The following SOCS6 variants were observed in gnomAD, a reference collection of about 807,000 sequenced individuals.
SOCS6 encodes the protein STAT induced STAT inhibitor-4.
In SOCS6, 5 loss-of-function variants were observed where a neutral mutation model predicts 27.7. The observed-to-expected ratio is 0.18, with a 90% confidence interval of 0.09 to 0.38. The LOEUF (loss-of-function observed/expected upper bound fraction) is 0.38. Among genes scored for constraint, SOCS6 ranks in the 10% least tolerant of loss-of-function variants. The pLI is 1.00. For synonymous variants in SOCS6, 271 were observed against 260.0 expected, an observed-to-expected ratio of 1.04 and a Z score of -0.41; for missense variants, 595 against 688.1, an observed-to-expected ratio of 0.86 and a Z score of 1.51.
chr18:70,310,071 T>A (rs2062384383), intron 1 of SOCS6, among the ~76,000 whole-genome samples: 1 of 152,240 alleles, frequency 6.6e-6, no homozygotes, highest in African/African-American at 2.4e-5. Context: ...AACAGTCTCA[T>A]GCCCTTTGAA....
intron 1 of SOCS6, among the ~76,000 whole-genome samples, chr18:70,301,863 C>T (rs2062349698): frequency 6.6e-6 from 1 of 152,142 alleles, no homozygotes; most frequent in Non-Finnish European, 1.5e-5. Flanking sequence ...AAGGAGTGGT[C>T]AGTGGTCACA....
In SOCS6 at chr18:70,324,626, C is replaced by T. The variant is rs780401339; in HGVS notation, c.-43C>T. 3 of 1,313,836 alleles carry T rather than the reference C, an allele frequency of 2.3e-6. No individual in the cohort carries two copies. The East Asian group carries it at 6.9e-5, about 30-fold the overall frequency. 81.4% of individuals were successfully genotyped at this position (1,313,836 alleles called of 1,614,324 possible). A position where few individuals can be genotyped will look rare whatever the true frequency, so the allele number is the denominator to read the frequency against. On this transcript the variant is annotated 5_prime_UTR_variant, in exon 2 of 2. Transcript: ENST00000397942. ...TCTCCAGATGTTTGGGGATAATATT[C>T]CAGATAGAAATATTGATCCCTTGGA...
rs560395562 is a variant in SOCS6 at position 70,324,302 on chromosome 18, A to AAAT, written c.-126-220_-126-218dup. ...GGGCGAAAGAGTGAGACTCATCTCA[A>AAAT]AATAATAATAATAATAATAATAAAG... is the stretch of plus-strand genomic sequence containing the variant. On this transcript the variant is annotated intron_variant, in intron 1 of 1. Coordinates refer to ENST00000397942, the MANE Select transcript of SOCS6 (RefSeq NM_004232.4). Among the ~76,000 whole-genome samples the AAAT allele has an allele frequency of 9.1e-3, 1,365 of 150,278 alleles. 24 individuals are homozygous for AAAT. Among genetic ancestry groups the AAAT allele is most frequent in the African/African-American group, 0.032 (1,266 of 40,096 alleles).
intron 1 of SOCS6, among the ~76,000 whole-genome samples, chr18:70,317,481 C>G (rs902772886): frequency 6.6e-5 from 9 of 135,538 alleles, no homozygotes; most frequent in African/African-American, 1.1e-4. Context: ...CACATATATA[C>G]ATACATATAT....
intron 1 of SOCS6, among the ~76,000 whole-genome samples, chr18:70,307,028 C>G (rs1219311895): frequency 3.3e-5 from 5 of 152,092 alleles, no homozygotes; most frequent in Admixed American, 6.6e-5. Context: ...TTTGGGAGGT[C>G]TAGGCAGGAG....
Position 70,325,585 on chromosome 18 carries a change from A to G in SOCS6, c.917A>G (p.Asp306Gly). 6.2e-7 allele frequency: 1 copy of G among 1,614,148 alleles called. No individual in the cohort carries two copies. Residue 306 changes from aspartate (D) to glycine (G), a missense_variant, in exon 2 of 2, where the codon GAT becomes GGT. Around this residue, in one of 2 missense-constraint regions of SOCS6, gnomAD observed 467 missense variants for 481.1 expected, o/e 0.97. Coordinates refer to ENST00000397942, the MANE Select transcript of SOCS6 (RefSeq NM_004232.4). The surrounding 1 kb of genome is among the most constrained non-coding windows in gnomAD (Gnocchi z 6.3). The stretch of plus-strand genomic sequence containing the variant: ...CAGAGCCCGAGAGCGGGTCACGATG[A>G]TGTCCCTCCACTCTCACCATTGCTA... ...MLQSPRAGHDDVPPLSPLLPP... is the reference protein window; with the variant it reads ...MLQSPRAGHDGVPPLSPLLPP...
chr18:70,321,351 G>A (rs903225889), intron 1 of SOCS6, among the ~76,000 whole-genome samples: 7 of 68,134 alleles, frequency 1.0e-4, no homozygotes, highest in Non-Finnish European at 1.6e-4. Context: ...CAGAGTTTTC[G>A]CTCTTGTTGC....
intron 1 of SOCS6, among the ~76,000 whole-genome samples, chr18:70,316,288 T>C (rs1204181787): frequency 1.3e-5 from 2 of 152,184 alleles, no homozygotes; most frequent in Admixed American, 6.5e-5. Flanking sequence ...TATTGCCTTG[T>C]GGTTAATTAA....
Position 70,326,459 on chromosome 18 carries a change from G to A in SOCS6, c.*183G>A. 1.7e-6 allele frequency: 1 copy of A among 592,058 alleles called. No individual in the cohort carries two copies. The highest frequency in any genetic ancestry group is 2.9e-5 in the East Asian group (1 of 34,414). The allele number at this position is 592,058 out of a possible 1,614,324, so 36.7% of individuals were successfully genotyped here. ...AGCAAGGTGTCTTGGGTTTATTTTG[G>A]TTCTTTAAAAAAGGGAAGTCTTGAG... On this transcript the variant is annotated 3_prime_UTR_variant, in exon 2 of 2. Coordinates refer to ENST00000397942, the MANE Select transcript of SOCS6 (RefSeq NM_004232.4).
chr18:70,307,543 TTC>T (rs1240331562), intron 1 of SOCS6, among the ~76,000 whole-genome samples: 4 of 152,248 alleles, frequency 2.6e-5, no homozygotes, highest in East Asian at 1.9e-4. Context: ...TCTATTTAGA[TTC>T]TCTGTTTCCT....
In SOCS6 at chr18:70,305,720, A is replaced by G. The variant is rs1240559487; in HGVS notation, c.-127+16630A>G. ...GAATCTCTAATTATTTAGAATCTCT[A>G]TATTCTCTTAGCAGTGTTTTGTAGT... On this transcript the variant is annotated intron_variant, in intron 1 of 1. Coordinates refer to ENST00000397942, the MANE Select transcript of SOCS6 (RefSeq NM_004232.4). Among the ~76,000 whole-genome samples the G allele has an allele frequency of 7.2e-5, 11 of 152,198 alleles. No homozygotes were observed. The East Asian group carries it at 1.3e-3, about 19-fold the overall frequency.
chr18:70,325,262 T>G lies in SOCS6; in HGVS notation c.594T>G (p.Asn198Lys), dbSNP rs372402820. Reference protein sequence around the residue: ...ANSLKSSASHNGDLHLHLDEH... With the variant: ...ANSLKSSASHKGDLHLHLDEH... ...CACTGAAGAGCTCGGCTTCTCATAATGGAGACCTGCATCTTCACCTGGATG... is the reference window on the plus strand; with the variant it reads ...CACTGAAGAGCTCGGCTTCTCATAAGGGAGACCTGCATCTTCACCTGGATG... Residue 198 changes from asparagine to lysine, a missense_variant, in exon 2 of 2, where the codon AAT becomes AAG. Physicochemically the swap from Asn to Lys is moderately conservative, Grantham distance 94. Coordinates refer to ENST00000397942, the MANE Select transcript of SOCS6 (RefSeq NM_004232.4). The surrounding 1 kb of genome is among the most constrained non-coding windows in gnomAD (Gnocchi z 6.3). 6.2e-7 allele frequency: 1 copy of G among 1,614,216 alleles called. No individual in the cohort carries two copies. The highest frequency in any genetic ancestry group is 8.5e-7 in the Non-Finnish European group (1 of 1,180,040).
rs1370726916 is a variant in SOCS6 at position 70,329,414 on chromosome 18, TAA to T, written c.*3141_*3142del. ...TTGAGCCAGTATTACTGAAACAGGA[TAA>T]AAGTTATAAAATCTAACATAGGTTA... On this transcript the variant is annotated 3_prime_UTR_variant, in exon 2 of 2. Coordinates refer to ENST00000397942, the MANE Select transcript of SOCS6 (RefSeq NM_004232.4). 1 of 167,226 alleles carries T rather than the reference TAA, an allele frequency of 6.0e-6. No individual in the cohort carries two copies. The highest frequency in any genetic ancestry group is 6.5e-5 in the Admixed American group (1 of 15,304). 10.4% of individuals were successfully genotyped at this position (167,226 alleles called of 1,614,324 possible).
chr18:70,294,626 A>C (rs2062315470), intron 1 of SOCS6, among the ~76,000 whole-genome samples: 1 of 152,202 alleles, frequency 6.6e-6, no homozygotes, highest in Non-Finnish European at 1.5e-5. Context: ...TTTGAGACCA[A>C]AAGAGCAAGA....
At chr18:70,305,735 T>C (rs938431824) in intron 1 of SOCS6, among the ~76,000 whole-genome samples, 4 of 152,276 alleles carry the variant, frequency 2.6e-5, no homozygotes, top group African/African-American at 7.2e-5. Flanking sequence ...CTCTTAGCAG[T>C]GTTTTGTAGT....
At position 70,319,785 on chromosome 18, in the gene SOCS6, C is replaced by T. The variant is rs368929411; in HGVS notation, c.-126-4758C>T. Reference sequence around the variant, plus strand: ...CATACTGAAGAAGGAAGAGTGTCTCCAGGGGAAGCGCTTGTTTGAATTGCT... The same window carrying T: ...CATACTGAAGAAGGAAGAGTGTCTCTAGGGGAAGCGCTTGTTTGAATTGCT... On this transcript the variant is annotated intron_variant, in intron 1 of 1. Coordinates refer to ENST00000397942, the MANE Select transcript of SOCS6 (RefSeq NM_004232.4). 6.6e-4 allele frequency among the ~76,000 whole-genome samples: 101 copies of T among 152,020 alleles called. No individual in the cohort carries two copies. The South Asian group carries it at 0.021, about 31-fold the overall frequency.
At chr18:70,289,593 CTCGGG>C (rs1306809755) in intron 1 of SOCS6, among the ~76,000 whole-genome samples, 2 of 129,468 alleles carry the variant, frequency 1.5e-5, no homozygotes, top group African/African-American at 2.6e-5. Context: ...CCTCCGCGGG[CTCGGG>C]CTCGGGCTCG....
chr18:70,291,516 A>G (rs1468278545), intron 1 of SOCS6, among the ~76,000 whole-genome samples: 1 of 152,048 alleles, frequency 6.6e-6, no homozygotes, highest in East Asian at 1.9e-4. Context: ...CATATCTTTT[A>G]TTTTGCTCAT....
In SOCS6 at chr18:70,298,042, A is replaced by T. The variant is rs112667075; in HGVS notation, c.-127+8952A>T. ...TGATCTGAAGGCTCTGAGAGCAGTC[A>T]TAACAGTTGTGTTATTTTTCAGTTA... On this transcript the variant is annotated intron_variant, in intron 1 of 1. Transcript: ENST00000397942. 5.6e-4 allele frequency among the ~76,000 whole-genome samples: 86 copies of T among 152,352 alleles called. 1 individual carries two copies. Among genetic ancestry groups the T allele is most frequent in the African/African-American group, 2.0e-3 (83 of 41,590 alleles).
Sources: allele counts gnomAD v4.1 joint callset (sites outside exome capture counted in the v4.1 genomes callset), GRCh38; gene constraint gnomAD v4.1.1; regional missense constraint gnomAD v4.1.1; non-coding constraint Gnocchi (gnomAD v3.1); transcripts MANE v1.5; gene names NCBI Gene and HGNC (gene_info 2026-07-23, HGNC 2026-07-21).